Variants in RERE observed in about 807,000 individuals in gnomAD.
RERE encodes the protein arginine-glutamic acid dipeptide repeats protein.
In RERE, 40 loss-of-function variants were observed where a neutral mutation model predicts 146.1. That is an observed-to-expected ratio of 0.27 (90% CI 0.21 to 0.36). The LOEUF is 0.36. Ranked by LOEUF, RERE falls within the 10% of genes least tolerant of loss-of-function variation. RERE has a pLI of 1.00. For synonymous variants in RERE, 1,003 were observed against 866.0 expected (o/e 1.16, Z -2.78); for missense variants, 1,933 against 2,138.7 (o/e 0.90, Z 1.90).
intron 1 of RERE, among the ~76,000 whole-genome samples, chr1:8,761,070 C>A (rs1372718157): frequency 6.6e-6 from 1 of 152,196 alleles, no homozygotes; most frequent in Non-Finnish European, 1.5e-5. Context: ...CCCAATCCTT[C>A]TGTTCTCAAG....
chr1:8,516,572 C>T (rs1021301832), intron 7 of RERE, among the ~76,000 whole-genome samples: 15 of 152,096 alleles, frequency 9.9e-5, no homozygotes, highest in Admixed American at 1.3e-4. Flanking sequence ...AGCCAAGAGA[C>T]GTTACGCAGT....
chr1:8,487,322 C>T (rs1276684708), intron 10 of RERE, among the ~76,000 whole-genome samples: 1 of 152,028 alleles, frequency 6.6e-6, no homozygotes, highest in East Asian at 1.9e-4. Context: ...GTGGCTTACA[C>T]CTATAATCTC....
chr1:8,566,747 T>C (rs1175756115), intron 4 of RERE, among the ~76,000 whole-genome samples: 4 of 152,146 alleles, frequency 2.6e-5, no homozygotes, highest in East Asian at 3.9e-4. Context: ...GTACATCCAA[T>C]ATATAGCAGA....
At chr1:8,400,219 C>CAT (rs139951538) in intron 12 of RERE, among the ~76,000 whole-genome samples, 19,037 of 140,356 alleles carry the variant, frequency 0.14, 1,557 homozygotes, top group Middle Eastern at 0.25. Context: ...ATTCCTGTGT[C>CAT]ATATGTGTGT....
intron 12 of RERE, among the ~76,000 whole-genome samples, chr1:8,388,482 G>T (rs1351572479): frequency 6.6e-6 from 1 of 152,110 alleles, no homozygotes; most frequent in East Asian, 1.9e-4. Flanking sequence ...ACCGCGCCCG[G>T]CTAATTTTTT....
intron 12 of RERE, among the ~76,000 whole-genome samples, chr1:8,379,334 G>A (rs1642366271): frequency 6.6e-6 from 1 of 152,190 alleles, no homozygotes; most frequent in Admixed American, 6.5e-5. Context: ...ACCGGGGAAA[G>A]GAGGGTCATG....
At chr1:8,578,607 T>C (rs12029303) in intron 4 of RERE, among the ~76,000 whole-genome samples, 34,245 of 151,816 alleles carry the variant, frequency 0.23, 5,535 homozygotes, top group East Asian at 0.76. Context: ...CCAGAGCATC[T>C]ATCACTAATA....
chr1:8,817,307 G>A lies in RERE; in HGVS notation c.-292C>T, dbSNP rs1641935272. On this transcript the variant is annotated 5_prime_UTR_variant, in exon 1 of 23. Transcript: ENST00000400908. ...GGGCGGCCCGCGGGGAGGCGACGCGGAGGGGCTGAGGGGGCTTCCCTGCCG... is the reference window on the plus strand; with the variant it reads ...GGGCGGCCCGCGGGGAGGCGACGCGAAGGGGCTGAGGGGGCTTCCCTGCCG... 6.6e-6 allele frequency: 1 copy of A among 152,056 alleles called. No individual in the cohort carries two copies. Among genetic ancestry groups the A allele is most frequent in the Non-Finnish European group, 1.5e-5 (1 of 68,034 alleles). 9.4% of individuals were successfully genotyped at this position (152,056 alleles called of 1,614,324 possible).
intron 12 of RERE, among the ~76,000 whole-genome samples, chr1:8,400,279 A>G (rs1339429593): frequency 1.5e-5 from 2 of 132,748 alleles, no homozygotes; most frequent in East Asian, 4.9e-4. Flanking sequence ...AGTTTGACAA[A>G]GTCATGCTCT....
At chr1:8,784,158 A>G (rs1641219214) in intron 1 of RERE, among the ~76,000 whole-genome samples, 2 of 152,160 alleles carry the variant, frequency 1.3e-5, no homozygotes, top group South Asian at 2.1e-4. Context: ...TGCCCACTTC[A>G]GGACCTTTCC....
chr1:8,377,875 CAG>C (rs1201495304), intron 12 of RERE, among the ~76,000 whole-genome samples: 26 of 152,056 alleles, frequency 1.7e-4, no homozygotes, highest in African/African-American at 5.3e-4. Flanking sequence ...AATTGAATGA[CAG>C]GGGCTGGAGG....
At chr1:8,635,180 A>G (rs943635160) in intron 2 of RERE, among the ~76,000 whole-genome samples, 6 of 152,144 alleles carry the variant, frequency 3.9e-5, no homozygotes, top group Non-Finnish European at 7.4e-5. Flanking sequence ...GGTATTTTGA[A>G]AAAACAATTC....
intron 1 of RERE, chr1:8,786,998 A>T: frequency 1.7e-6 from 1 of 597,322 alleles, no homozygotes; most frequent in Non-Finnish European, 3.0e-6. Context: ...TCTTTATAAG[A>T]CAGAGATCAG....
chr1:8,578,321 A>C (rs1646322025), intron 4 of RERE, among the ~76,000 whole-genome samples: 1 of 152,194 alleles, frequency 6.6e-6, no homozygotes, highest in African/African-American at 2.4e-5. Context: ...AAAGCCTATT[A>C]GCATTTCTAT....
At chr1:8,774,611 C>A (rs188496415) in intron 1 of RERE, among the ~76,000 whole-genome samples, 19 of 152,182 alleles carry the variant, frequency 1.2e-4, no homozygotes, top group Non-Finnish European at 2.5e-4. Flanking sequence ...GCCTCGGCCT[C>A]CCAAACTGCT....
At chr1:8,589,425 G>A (rs969013388) in intron 4 of RERE, among the ~76,000 whole-genome samples, 2 of 152,234 alleles carry the variant, frequency 1.3e-5, no homozygotes, top group Non-Finnish European at 2.9e-5. Flanking sequence ...GGGAAACTGA[G>A]TGAGACCCTG....
At chr1:8,355,239 GTGTAGCTGA>G (rs755168211) in intron 22 of RERE, 119 bp from the exon 23 acceptor site, 79 of 1,203,670 alleles carry the variant, frequency 6.6e-5, no homozygotes, top group Non-Finnish European at 8.8e-5. Context: ...GCAGCCTCCT[GTGTAGCTGA>G]CCTACCCTCC....
rs17032662 is a variant in RERE at position 8,551,658 on chromosome 1, T to C, written c.725+4817A>G. ...AATGAGCTATGGAGTGTACTACACA[T>C]GTTACTAGGGCCTGAGATGCTCTTT... On this transcript the variant is annotated intron_variant, in intron 6 of 22. Coordinates refer to ENST00000400908, the MANE Select transcript of RERE (RefSeq NM_001042681.2). Among the ~76,000 whole-genome samples, 881 of 152,314 alleles carry C rather than the reference T, an allele frequency of 5.8e-3. 49 individuals carry two copies. In the East Asian group the frequency reaches 0.14, roughly 24 times the overall value.
chr1:8,747,902 G>A (rs1372089582), intron 1 of RERE, among the ~76,000 whole-genome samples: 1 of 152,012 alleles, frequency 6.6e-6, no homozygotes, highest in African/African-American at 2.4e-5. Context: ...AGCCTCCCGA[G>A]TAGCTAGGAT....
Sources: gnomAD v4.1 joint callset for allele counts (sites outside exome capture counted in the v4.1 genomes callset) on GRCh38, gnomAD v4.1.1 for gene constraint, MANE v1.5 for transcripts, NCBI Gene and HGNC (gene_info 2026-07-23, HGNC 2026-07-21) for gene names.